The following CLIC6 variants were observed in gnomAD, a reference collection of about 807,000 sequenced individuals.
CLIC6 encodes CLIC family member 6.
Under a neutral mutation model 49.2 loss-of-function variants are expected in CLIC6, and 39 were observed. The observed-to-expected ratio is 0.79, with a 90% CI of 0.61 to 1.04. The LOEUF is 1.04. CLIC6 is among the 50% of genes least tolerant of loss of function. The probability of loss-of-function intolerance (pLI) is 0.00; values close to 1 mark genes in which losing one functional copy is unlikely to be tolerated. For synonymous variants in CLIC6, 446 were observed against 433.4 expected, an observed-to-expected ratio of 1.03 and a Z score of -0.36; for missense variants, 988 against 993.1, an observed-to-expected ratio of 0.99 and a Z score of 0.07.
intron 5 of CLIC6, among the ~76,000 whole-genome samples, chr21:34,712,258 TGA>T (rs1193934818): frequency 6.6e-6 from 1 of 152,114 alleles, no homozygotes; most frequent in African/African-American, 2.4e-5. Context: ...TGGTAAAAGA[TGA>T]GAGTGTGAAG....
Position 34,670,739 on chromosome 21 carries a change from C to T in CLIC6, c.1351C>T (p.His451Tyr). 1 of 1,600,260 alleles carries T rather than the reference C, an allele frequency of 6.2e-7. No individual in the cohort carries two copies. ...ASEPRALGQE[H>Y]DITLFVKAGY... Reference sequence around the variant, plus strand: ...CGAGCCCCGGGCCCTGGGGCAGGAGCACGACATCACCCTCTTCGTCAAGGT... The same window carrying T: ...CGAGCCCCGGGCCCTGGGGCAGGAGTACGACATCACCCTCTTCGTCAAGGT... The change falls in exon 1 of 6, where the codon CAC (histidine) becomes TAC (tyrosine). Residue 451 changes from histidine (H) to tyrosine (Y), a missense_variant. Coordinates refer to ENST00000349499, the MANE Select transcript of CLIC6 (RefSeq NM_053277.3).
intron 1 of CLIC6, among the ~76,000 whole-genome samples, chr21:34,679,954 G>T (rs1989744101): frequency 6.6e-6 from 1 of 152,202 alleles, no homozygotes; most frequent in African/African-American, 2.4e-5. Context: ...GCTATTGGTG[G>T]ATCCACCATT....
intron 1 of CLIC6, among the ~76,000 whole-genome samples, chr21:34,677,089 C>T (rs78676088): frequency 0.016 from 2,429 of 152,208 alleles, 70 homozygotes; most frequent in African/African-American, 0.055. Context: ...AGTCCATCTT[C>T]GGCTAAAATC....
intron 1 of CLIC6, among the ~76,000 whole-genome samples, chr21:34,682,917 T>A (rs1016500475): frequency 2.8e-5 from 4 of 143,234 alleles, no homozygotes; most frequent in Non-Finnish European, 6.0e-5. Flanking sequence ...GTTCATGCCA[T>A]TCTCCTGCCT....
At position 34,669,555 on chromosome 21, in the gene CLIC6, C is replaced by T; in HGVS notation, c.167C>T (p.Ala56Val). The change falls in exon 1 of 6, where the codon GCT becomes GTT. Residue 56 changes from alanine (A) to valine (V), a missense_variant. Coordinates refer to ENST00000349499, the MANE Select transcript of CLIC6 (RefSeq NM_053277.3). Reference sequence around the variant, plus strand: ...GAGGAGGCGCCGAGGGGCGCCGCCGCTGTGAAGGAGGCAGGAGGCGGCGGG... The same window carrying T: ...GAGGAGGCGCCGAGGGGCGCCGCCGTTGTGAAGGAGGCAGGAGGCGGCGGG... ...GAEEAPRGAAAVKEAGGGGPD... is the reference protein window; with the variant it reads ...GAEEAPRGAAVVKEAGGGGPD... 1.3e-5 allele frequency: 16 copies of T among 1,245,392 alleles called. No homozygotes were observed. The highest frequency in any genetic ancestry group is 1.6e-5 in the Non-Finnish European group (16 of 996,788). 77.1% of individuals were successfully genotyped at this position (1,245,392 alleles called of 1,614,324 possible). A position where few individuals can be genotyped will look rare whatever the true frequency, so the allele number is the denominator to read the frequency against.
intron 5 of CLIC6, among the ~76,000 whole-genome samples, chr21:34,711,083 A>T (rs1211681201): frequency 6.6e-6 from 1 of 152,210 alleles, no homozygotes; most frequent in Non-Finnish European, 1.5e-5. Flanking sequence ...CTCAGGAAGA[A>T]GCCCATGCCT....
intron 1 of CLIC6, among the ~76,000 whole-genome samples, chr21:34,685,533 C>T (rs1989861083): frequency 6.6e-6 from 1 of 152,128 alleles, no homozygotes; most frequent in Non-Finnish European, 1.5e-5. Context: ...TAACTCTCTC[C>T]CCCAGCTTTG....
rs77701951 is a variant in CLIC6 at position 34,714,692 on chromosome 21, C to CAA, written c.1900-1612_1900-1611dup. Among the ~76,000 whole-genome samples the CAA allele has an allele frequency of 5.6e-4, 48 of 85,854 alleles. No homozygotes were observed. In the East Asian group the frequency reaches 8.3e-3, roughly 15 times the overall value. 56.3% of individuals were successfully genotyped at this position (85,854 alleles called of 152,430 possible). A position where few individuals can be genotyped will look rare whatever the true frequency, so the allele number is the denominator to read the frequency against. ...ACAGAGCGAGACTGTCTCAAAAAAA[C>CAA]AAAAAAAAAAAAAAAAAACTTGATA... On this transcript the variant is annotated intron_variant, in intron 5 of 5. Coordinates refer to ENST00000349499, the MANE Select transcript of CLIC6 (RefSeq NM_053277.3).
chr21:34,707,343 T>C lies in CLIC6; in HGVS notation c.1438T>C (p.Trp480Arg). The C allele has an allele frequency of 6.2e-7, 1 of 1,614,080 alleles. No individual in the cohort carries two copies. Among genetic ancestry groups the C allele is most frequent in the South Asian group, 1.1e-5 (1 of 91,078 alleles). ...TTCTCAGCGTCTCTTTATGATTCTC[T>C]GGCTGAAAGGCGTTATATTTAATGT... ...PFSQRLFMIL[W>R]LKGVIFNVTT... Residue 480 changes from tryptophan to arginine, a missense_variant, in exon 2 of 6, where the codon TGG becomes CGG. Transcript: ENST00000349499.
In CLIC6 at chr21:34,669,492, G is replaced by A. The variant is rs1989481733; in HGVS notation, c.104G>A (p.Gly35Asp). Residue 35 changes from glycine (G) to aspartate (D), a missense_variant, in exon 1 of 6, where the codon GGC becomes GAC. This residue lies in a region of CLIC6 where 284 missense variants were observed against 278.6 expected (regional missense o/e 1.02). Transcript: ENST00000349499. Reference sequence around the variant, plus strand: ...AGACCCGGAGAGCCAGGAGCCGCGGGCGGGGAGGCAGAAGGGCCGGAGGGG... The same window carrying A: ...AGACCCGGAGAGCCAGGAGCCGCGGACGGGGAGGCAGAAGGGCCGGAGGGG... ...AERPGEPGAAGGEAEGPEGSE... is the reference protein window; with the variant it reads ...AERPGEPGAADGEAEGPEGSE... 3.2e-6 allele frequency: 4 copies of A among 1,235,484 alleles called. No individual in the cohort carries two copies. Among genetic ancestry groups the A allele is most frequent in the Non-Finnish European group, 4.0e-6 (4 of 990,410 alleles). The allele number at this position is 1,235,484 out of a possible 1,614,324, so 76.5% of individuals were successfully genotyped here.
chr21:34,709,270 G>T, intron 4 of CLIC6, 87 bp from the exon 5 acceptor site: 3 of 1,215,132 alleles, frequency 2.5e-6, no homozygotes, highest in Non-Finnish European at 3.5e-6. Context: ...ATCTCAGCGA[G>T]GAAGGGAAGC....
At chr21:34,680,896 G>C (rs948245116) in intron 1 of CLIC6, among the ~76,000 whole-genome samples, 2 of 152,294 alleles carry the variant, frequency 1.3e-5, no homozygotes, top group East Asian at 3.9e-4. Context: ...AAATCTCTAG[G>C]AAGTTCCAAA....
intron 1 of CLIC6, among the ~76,000 whole-genome samples, chr21:34,691,407 C>A (rs1027054892): frequency 2.0e-5 from 3 of 152,110 alleles, no homozygotes; most frequent in African/African-American, 7.2e-5. Flanking sequence ...TGATTTAATA[C>A]ATAATATGAT....
chr21:34,676,263 T>TA (rs1989669283), intron 1 of CLIC6, among the ~76,000 whole-genome samples: 1 of 131,964 alleles, frequency 7.6e-6, no homozygotes, highest in South Asian at 2.7e-4. Context: ...AAGGAGTATG[T>TA]AAAAGCCAAC....
intron 5 of CLIC6, among the ~76,000 whole-genome samples, chr21:34,710,745 A>T (rs866221458): frequency 2.2e-4 from 33 of 152,132 alleles, no homozygotes; most frequent in African/African-American, 8.0e-4. Context: ...CCCGGGAGGC[A>T]GACATTGCAG....
At chr21:34,715,685 AT>A (rs2056081727) in intron 5 of CLIC6, among the ~76,000 whole-genome samples, 3 of 152,220 alleles carry the variant, frequency 2.0e-5, no homozygotes, top group African/African-American at 4.8e-5. Context: ...TAGAGGAAGT[AT>A]CTCACACTGC....
At position 34,707,982 on chromosome 21, in the gene CLIC6, A is replaced by G. The variant is rs2056027827; in HGVS notation, c.1523A>G (p.Asn508Ser). The change falls in exon 3 of 6, where the codon AAC (asparagine) becomes AGC (serine). Residue 508 changes from asparagine to serine, a missense_variant. Around this residue, in one of 3 missense-constraint regions of CLIC6, gnomAD observed 647 missense variants for 596.9 expected, o/e 1.08. Coordinates refer to ENST00000349499, the MANE Select transcript of CLIC6 (RefSeq NM_053277.3). ...CTGCAGAACCTGGCTCCCGGAACAAACCCTCCTTTCATGACTTTTGATGGT... is the reference window on the plus strand; with the variant it reads ...CTGCAGAACCTGGCTCCCGGAACAAGCCCTCCTTTCATGACTTTTGATGGT... ...ADLQNLAPGT[N>S]PPFMTFDGEV... The G allele has an allele frequency of 1.9e-6, 3 of 1,613,990 alleles. No homozygotes were observed. The highest frequency in any genetic ancestry group is 2.5e-6 in the Non-Finnish European group (3 of 1,179,982).
intron 5 of CLIC6, among the ~76,000 whole-genome samples, chr21:34,716,101 G>A (rs995796254): frequency 2.0e-5 from 3 of 152,234 alleles, no homozygotes; most frequent in Admixed American, 6.5e-5. Context: ...GCAGAACTAT[G>A]TGCAGTCACT....
chr21:34,694,220 C>A, intron 1 of CLIC6, among the ~76,000 whole-genome samples: 1 of 142,520 alleles, frequency 7.0e-6, no homozygotes, highest in East Asian at 2.1e-4. Context: ...ACCTCATGAT[C>A]CTCCTGCCTC....
Sources: allele counts gnomAD v4.1 joint callset (sites outside exome capture counted in the v4.1 genomes callset), GRCh38; gene constraint gnomAD v4.1.1; regional missense constraint gnomAD v4.1.1; transcripts MANE v1.5; gene names NCBI Gene and HGNC (gene_info 2026-07-23, HGNC 2026-07-21).